RHOA: variants seen among roughly 807,000 people sequenced by gnomAD.
RHOA encodes transforming protein RhoA.
Under a neutral mutation model 17.5 loss-of-function variants are expected in RHOA, and 3 were observed. The ratio of observed to expected loss-of-function variants is 0.17; its 90% CI spans 0.08 to 0.44. The LOEUF (loss-of-function observed/expected upper bound fraction) is 0.44. Ranked by LOEUF, RHOA falls within the 20% of genes least tolerant of loss-of-function variation. RHOA has a pLI of 0.99. For synonymous variants in RHOA, 98 were observed against 88.4 expected (o/e 1.11, Z -0.61); for missense variants, 56 against 242.3 (o/e 0.23, Z 5.10).
intron 1 of RHOA, among the ~76,000 whole-genome samples, chr3:49,398,888 G>A (rs2048667268): frequency 7.8e-6 from 1 of 128,434 alleles, no homozygotes; most frequent in African/African-American, 3.0e-5. Flanking sequence ...TGCTGTCTGA[G>A]TATTACAGTA....
chr3:49,398,350 C>CA (rs370505412), intron 1 of RHOA, among the ~76,000 whole-genome samples: 136 of 135,498 alleles, frequency 1.0e-3, no homozygotes, highest in Admixed American at 2.3e-3. Context: ...AAGACTTTGT[C>CA]AAAAAAAAAA....
chr3:49,360,487 GAC>G lies in RHOA; in HGVS notation c.409-107_409-106del. On this transcript the variant is annotated intron_variant, in intron 4 of 4. Coordinates refer to ENST00000418115, the MANE Select transcript of RHOA (RefSeq NM_001664.4). ...AAAAGATTTTTTTTTCTTTTTTTGA[GAC>G]AGTTTTGCTCGTCGGTCGCCCAGGC... is the stretch of plus-strand genomic sequence containing the variant. 2.3e-6 allele frequency: 3 copies of G among 1,295,900 alleles called. No individual in the cohort carries two copies. In the South Asian group the frequency reaches 4.7e-5, roughly 20 times the overall value. 80.3% of individuals were successfully genotyped at this position (1,295,900 alleles called of 1,614,324 possible).
intron 1 of RHOA, among the ~76,000 whole-genome samples, chr3:49,386,271 G>A (rs1288856326): frequency 6.6e-6 from 1 of 151,816 alleles, no homozygotes; most frequent in Non-Finnish European, 1.5e-5. Context: ...CCTCCCTTCC[G>A]TTTTCTCCTT....
chr3:49,361,958 T>G (rs924343996), intron 4 of RHOA, among the ~76,000 whole-genome samples: 2 of 150,892 alleles, frequency 1.3e-5, no homozygotes, highest in Non-Finnish European at 2.9e-5. Context: ...GAGGCAAAAG[T>G]GGGCAGATCA....
At chr3:49,382,926 G>A (rs1227278438) in intron 1 of RHOA, among the ~76,000 whole-genome samples, 2 of 151,500 alleles carry the variant, frequency 1.3e-5, no homozygotes, top group African/African-American at 4.9e-5. Context: ...GTGGTGGTGG[G>A]CACCTGTAAT....
chr3:49,393,063 C>G (rs1479970436), intron 1 of RHOA, among the ~76,000 whole-genome samples: 1 of 152,026 alleles, frequency 6.6e-6, no homozygotes, highest in East Asian at 1.9e-4. Flanking sequence ...GTAATCCCAG[C>G]TACCTGAGAG....
intron 1 of RHOA, among the ~76,000 whole-genome samples, chr3:49,408,176 AAAT>A (rs1055368062): frequency 2.1e-5 from 3 of 144,436 alleles, no homozygotes; most frequent in Non-Finnish European, 3.0e-5. Context: ...AAAAAAAAAA[AAAT>A]ATATATATAT....
At chr3:49,389,050 A>G (rs1342820144) in intron 1 of RHOA, among the ~76,000 whole-genome samples, 1 of 152,182 alleles carries the variant, frequency 6.6e-6, no homozygotes, top group Non-Finnish European at 1.5e-5. Flanking sequence ...CTACAGAGAC[A>G]GAAAGCAGCT....
At chr3:49,377,865 T>A (rs1460850994) in intron 1 of RHOA, among the ~76,000 whole-genome samples, 1 of 151,804 alleles carries the variant, frequency 6.6e-6, no homozygotes, top group Non-Finnish European at 1.5e-5. Flanking sequence ...GAACTCTTTT[T>A]GGGCTGGGCA....
intron 1 of RHOA, among the ~76,000 whole-genome samples, chr3:49,395,250 C>T (rs1381810636): frequency 2.7e-5 from 3 of 111,894 alleles, no homozygotes; most frequent in African/African-American, 3.3e-5. Flanking sequence ...GACTCCGTCT[C>T]AAAAAAAAAA....
chr3:49,406,703 T>C (rs990224202), intron 1 of RHOA: 1 of 151,978 alleles, frequency 6.6e-6, no homozygotes, highest in Admixed American at 6.6e-5. Flanking sequence ...CGAGAATCGC[T>C]TGACTCACAT....
intron 1 of RHOA, among the ~76,000 whole-genome samples, chr3:49,401,534 G>T (rs1228228673): frequency 6.8e-6 from 1 of 147,464 alleles, no homozygotes; most frequent in African/African-American, 2.5e-5. Context: ...CTCCAGCCTG[G>T]GCGACAAGAA....
chr3:49,369,302 C>T (rs1214085876), intron 2 of RHOA, among the ~76,000 whole-genome samples: 1 of 52,474 alleles, frequency 1.9e-5, no homozygotes, highest in African/African-American at 5.1e-5. Flanking sequence ...GGATTACAGG[C>T]ATGAGCCACC....
At chr3:49,368,685 G>T in intron 2 of RHOA, 137 bp from the exon 3 acceptor site, 154 of 649,548 alleles carry the variant, frequency 2.4e-4, no homozygotes, top group Non-Finnish European at 3.3e-4. Context: ...AAACACAGGA[G>T]TATTTACATT....
At chr3:49,381,413 A>AAG (rs1481901234) in intron 1 of RHOA, among the ~76,000 whole-genome samples, 6 of 151,938 alleles carry the variant, frequency 3.9e-5, no homozygotes, top group Admixed American at 1.3e-4. Flanking sequence ...CTCAAAAAAA[A>AAG]AAAAAAAGTT....
chr3:49,411,551 G>A (rs1202000325), intron 1 of RHOA, among the ~76,000 whole-genome samples: 2 of 151,866 alleles, frequency 1.3e-5, no homozygotes, highest in African/African-American at 4.8e-5. Flanking sequence ...CGGGCAGGCG[G>A]GCAGCCTGGG....
At chr3:49,406,096 C>G (rs1019146628) in intron 1 of RHOA, among the ~76,000 whole-genome samples, 1 of 151,976 alleles carries the variant, frequency 6.6e-6, no homozygotes, top group Admixed American at 6.6e-5. Flanking sequence ...TCCACACACA[C>G]AAAAAAACAG....
At chr3:49,393,594 GCTT>G (rs2048549779) in intron 1 of RHOA, among the ~76,000 whole-genome samples, 1 of 118,138 alleles carries the variant, frequency 8.5e-6, no homozygotes, top group African/African-American at 3.3e-5. Context: ...CACTGCACTG[GCTT>G]TTTTTTTTTT....
At chr3:49,380,860 T>G (rs1316971659) in intron 1 of RHOA, among the ~76,000 whole-genome samples, 2 of 151,006 alleles carry the variant, frequency 1.3e-5, no homozygotes, top group Non-Finnish European at 3.0e-5. Flanking sequence ...ACAAAAAAAC[T>G]CAGAGGGCTG....
Sources: allele counts gnomAD v4.1 joint callset (sites outside exome capture counted in the v4.1 genomes callset), GRCh38; gene constraint gnomAD v4.1.1; transcripts MANE v1.5; gene names NCBI Gene and HGNC (gene_info 2026-07-23, HGNC 2026-07-21).